Variants in ABHD2 observed in about 807,000 individuals in gnomAD.
ABHD2 encodes monoacylglycerol lipase ABHD2.
ABHD2 carries 20 observed loss-of-function variants against 48.1 expected under a neutral mutation model. The observed-to-expected ratio is 0.42, with a 90% CI of 0.29 to 0.60. ABHD2 has a LOEUF of 0.60. ABHD2 is among the 20% of genes least tolerant of loss of function. ABHD2 has a pLI of 0.24. For missense variants in ABHD2, 405 were observed against 550.9 expected, an observed-to-expected ratio of 0.74 and a Z score of 2.65; for synonymous variants, 209 against 214.2, an observed-to-expected ratio of 0.98 and a Z score of 0.21.
the ABHD2 span, among the ~76,000 whole-genome samples, chr15:89,041,599 A>C: frequency 6.2e-4 from 94 of 152,304 alleles, 1 homozygote; most frequent in Admixed American, 2.0e-4. Context: ...GGAAGACCTG[A>C]GCCAAGCCTG....
At chr15:89,194,763 A>C (rs1210984135) in intron 10 of ABHD2, among the ~76,000 whole-genome samples, 1 of 152,202 alleles carries the variant, frequency 6.6e-6, no homozygotes, top group Non-Finnish European at 1.5e-5. Context: ...TTTTAATAAG[A>C]TATCCTAAGT....
chr15:89,137,445 TCTC>T lies in ABHD2; in HGVS notation c.195-14229_195-14227del, dbSNP rs1186702500. Among the ~76,000 whole-genome samples, 1 of 152,174 alleles carries T rather than the reference TCTC, an allele frequency of 6.6e-6. No homozygotes were observed. Among genetic ancestry groups the T allele is most frequent in the East Asian group, 1.9e-4 (1 of 5,194 alleles). Reference sequence around the variant, plus strand: ...GTTTTATTGTAACTCATGGGGCTGTTCTCCTAACATTCATATTTTATAGTTTGC... The same window carrying T: ...GTTTTATTGTAACTCATGGGGCTGTTCTAACATTCATATTTTATAGTTTGC... On this transcript the variant is annotated intron_variant, in intron 3 of 10. Coordinates refer to ENST00000352732, the MANE Select transcript of ABHD2 (RefSeq NM_152924.5). The surrounding 1 kb of genome is among the most constrained non-coding windows in gnomAD (Gnocchi z 4.8).
chr15:89,127,726 T>TGTATATATATATATATATATATAC (rs2050156400), intron 3 of ABHD2, among the ~76,000 whole-genome samples: 3 of 141,924 alleles, frequency 2.1e-5, no homozygotes, highest in African/African-American at 8.3e-5. Flanking sequence ...TATACACATA[T>TGTATATATATATATATATATATAC]ATATATATAT....
chr15:89,152,883 A>G (rs144781499), intron 4 of ABHD2, among the ~76,000 whole-genome samples: 1 of 152,204 alleles, frequency 6.6e-6, no homozygotes, highest in Non-Finnish European at 1.5e-5. Flanking sequence ...TTTGAATGCT[A>G]TTGCTACCAA....
At chr15:89,144,129 C>G (rs2050452984) in intron 3 of ABHD2, among the ~76,000 whole-genome samples, 1 of 152,064 alleles carries the variant, frequency 6.6e-6, no homozygotes, top group African/African-American at 2.4e-5. Context: ...GGAAACCATC[C>G]AATGTCTTTT....
intron 3 of ABHD2, among the ~76,000 whole-genome samples, chr15:89,142,321 G>A (rs750103642): frequency 1.5e-4 from 23 of 152,184 alleles, no homozygotes; most frequent in Non-Finnish European, 2.5e-4. Context: ...TTATTATGCC[G>A]TGTTCAAAGA....
At position 89,116,562 on chromosome 15, in the gene ABHD2, G is replaced by A; in HGVS notation, c.194+41G>A. 1.3e-6 allele frequency: 2 copies of A among 1,579,012 alleles called. No individual in the cohort carries two copies. Among genetic ancestry groups the A allele is most frequent in the South Asian group, 1.1e-5 (1 of 86,976 alleles). Reference sequence around the variant, plus strand: ...GCCCTCTGTATGCTCAGCTGCTGATGTATTTGGCTTTGTGTGATGTTCAAA... The same window carrying A: ...GCCCTCTGTATGCTCAGCTGCTGATATATTTGGCTTTGTGTGATGTTCAAA... On this transcript the variant is annotated intron_variant, in intron 3 of 10. Transcript: ENST00000352732. The surrounding 1 kb of genome is among the most constrained non-coding windows in gnomAD (Gnocchi z 4.6).
At chr15:89,187,127 ACCAAGT>A (rs2051223946) in intron 7 of ABHD2, among the ~76,000 whole-genome samples, 1 of 152,194 alleles carries the variant, frequency 6.6e-6, no homozygotes, top group Admixed American at 6.5e-5. Flanking sequence ...GGCCTCTGAC[ACCAAGT>A]CCAAGTCCTC....
chr15:89,057,788 GAAAC>G, the ABHD2 span, among the ~76,000 whole-genome samples: 1 of 150,866 alleles, frequency 6.6e-6, no homozygotes, highest in African/African-American at 2.5e-5. Flanking sequence ...AAAAAAGAAA[GAAAC>G]AAACCTGCCA....
At chr15:89,044,855 G>A in the ABHD2 span, among the ~76,000 whole-genome samples, 3 of 151,898 alleles carry the variant, frequency 2.0e-5, no homozygotes, top group African/African-American at 7.3e-5. Flanking sequence ...TTTGTAGGTT[G>A]CCTGTTCACT....
intron 3 of ABHD2, among the ~76,000 whole-genome samples, chr15:89,142,437 A>G (rs1291571421): frequency 6.6e-6 from 1 of 152,158 alleles, no homozygotes; most frequent in Non-Finnish European, 1.5e-5. Flanking sequence ...AATGTTTCTG[A>G]AGTTGCAAAG....
Position 89,201,958 on chromosome 15 carries a change from T to G in ABHD2, c.*6535T>G. ...GCAGATCTGCTTCCAGATTGATTTT[T>G]AGAGCACCATCACTTTCACATTCCT... On this transcript the variant is annotated 3_prime_UTR_variant, in exon 11 of 11. Coordinates refer to ENST00000352732, the MANE Select transcript of ABHD2 (RefSeq NM_152924.5). 2.0e-6 allele frequency: 1 copy of G among 493,532 alleles called. No homozygotes were observed. The highest frequency in any genetic ancestry group is 3.6e-6 in the Non-Finnish European group (1 of 277,632). The allele number at this position is 493,532 out of a possible 1,614,324, so 30.6% of individuals were successfully genotyped here.
intron 1 of ABHD2, among the ~76,000 whole-genome samples, chr15:89,110,259 C>A (rs1171156977): frequency 1.3e-5 from 2 of 151,974 alleles, no homozygotes; most frequent in Non-Finnish European, 2.9e-5. Flanking sequence ...ATGGGGTCTC[C>A]CCATATTGGC....
Position 89,175,782 on chromosome 15 carries a change from G to A in ABHD2, c.539-30G>A, listed in dbSNP as rs1232191733. 3 of 1,613,316 alleles carry A rather than the reference G, an allele frequency of 1.9e-6. No homozygotes were observed. The highest frequency in any genetic ancestry group is 2.5e-6 in the Non-Finnish European group (3 of 1,179,758). ...TCTCCAGATAGGATGCACCTGAAATGATTGAGCAATCTCACCCTTTTGCCC... is the reference window on the plus strand; with the variant it reads ...TCTCCAGATAGGATGCACCTGAAATAATTGAGCAATCTCACCCTTTTGCCC... On this transcript the variant is annotated intron_variant, in intron 5 of 10. Coordinates refer to ENST00000352732, the MANE Select transcript of ABHD2 (RefSeq NM_152924.5). The surrounding 1 kb of genome is among the most constrained non-coding windows in gnomAD (Gnocchi z 5.7).
At chr15:89,073,839 G>T in the ABHD2 span, among the ~76,000 whole-genome samples, 1 of 152,088 alleles carries the variant, frequency 6.6e-6, no homozygotes, top group Non-Finnish European at 1.5e-5. Context: ...CACCTGGAGG[G>T]CTTATTAAAC....
At chr15:89,135,503 A>G in intron 3 of ABHD2, 1 of 1,002,190 alleles carries the variant, frequency 1.0e-6, no homozygotes, top group South Asian at 1.3e-5. Flanking sequence ...TACAGGTTAA[A>G]TGCTTTATAG....
chr15:89,048,305 A>G, the ABHD2 span, among the ~76,000 whole-genome samples: 4 of 152,110 alleles, frequency 2.6e-5, no homozygotes, highest in East Asian at 1.9e-4. Flanking sequence ...AGGGTAACCC[A>G]ACCTTTCTCT....
At chr15:89,115,423 TG>T in intron 2 of ABHD2, among the ~76,000 whole-genome samples, 1 of 94,888 alleles carries the variant, frequency 1.1e-5, no homozygotes, top group African/African-American at 4.1e-5. Context: ...TGTGTGTGTG[TG>T]TGTGTGTTTT....
rs2051178897 is a variant in ABHD2 at position 89,184,840 on chromosome 15, C to G, written c.723-584C>G. Among the ~76,000 whole-genome samples, 1 of 152,226 alleles carries G rather than the reference C, an allele frequency of 6.6e-6. No individual in the cohort carries two copies. The highest frequency in any genetic ancestry group is 2.4e-5 in the African/African-American group (1 of 41,444). ...TCCAGACCAGCCCCACCAGCTGTGC[C>G]TACAAAGGGTTAAGGGCCTGTCTAC... On this transcript the variant is annotated intron_variant, in intron 6 of 10. Coordinates refer to ENST00000352732, the MANE Select transcript of ABHD2 (RefSeq NM_152924.5). The surrounding 1 kb of genome is among the most constrained non-coding windows in gnomAD (Gnocchi z 5.1).
Sources: allele counts gnomAD v4.1 joint callset (sites outside exome capture counted in the v4.1 genomes callset), GRCh38; gene constraint gnomAD v4.1.1; non-coding constraint Gnocchi (gnomAD v3.1); transcripts MANE v1.5; gene names NCBI Gene and HGNC (gene_info 2026-07-23, HGNC 2026-07-21).